The following GPHN variants were observed in gnomAD, a reference collection of about 807,000 sequenced individuals.
The protein encoded by GPHN is gephyrin.
In GPHN, 17 loss-of-function variants were observed where a neutral mutation model predicts 95.5. The ratio of observed to expected loss-of-function variants is 0.18; its 90% CI spans 0.12 to 0.27. The LOEUF is 0.27. Among genes scored for constraint, GPHN ranks in the 10% least tolerant of loss-of-function variants. The probability of loss-of-function intolerance (pLI) is 1.00; values close to 1 mark genes in which losing one functional copy is unlikely to be tolerated. For missense variants in GPHN, 660 were observed against 978.1 expected, an observed-to-expected ratio of 0.67 and a Z score of 4.34; for synonymous variants, 320 against 322.5, an observed-to-expected ratio of 0.99 and a Z score of 0.08.
At chr14:66,970,610 A>G (rs1311326611) in intron 9 of GPHN, among the ~76,000 whole-genome samples, 1 of 152,224 alleles carries the variant, frequency 6.6e-6, no homozygotes, top group Non-Finnish European at 1.5e-5. Flanking sequence ...GCCTAAATCA[A>G]GTCACTAACT....
chr14:66,824,231 T>A (rs998184566), intron 3 of GPHN, among the ~76,000 whole-genome samples: 47 of 152,304 alleles, frequency 3.1e-4, no homozygotes, highest in African/African-American at 9.4e-4. Context: ...TTATGTTTTA[T>A]TTACTTTCAA....
intron 8 of GPHN, among the ~76,000 whole-genome samples, chr14:66,943,600 G>T (rs1424617108): frequency 2.0e-5 from 3 of 152,150 alleles, no homozygotes; most frequent in East Asian, 1.9e-4. Context: ...TTCTTTAAGG[G>T]TTGTTTTTAT....
chr14:67,573,675 C>T, the GPHN span: 3 of 732,138 alleles, frequency 4.1e-6, no homozygotes, highest in East Asian at 5.2e-5. The surrounding 1 kb of genome is among the most constrained non-coding windows in gnomAD (Gnocchi z 4.8). Flanking sequence ...CCCATCATAA[C>T]ACAGCCAGAA....
intron 1 of GPHN, among the ~76,000 whole-genome samples, chr14:66,581,562 A>C (rs986650235): frequency 1.2e-4 from 19 of 152,128 alleles, no homozygotes; most frequent in African/African-American, 4.3e-4. Context: ...AATTACCTTG[A>C]ATATTAATAG....
At chr14:67,162,709 A>G (rs920068101) in intron 19 of GPHN, among the ~76,000 whole-genome samples, 3 of 152,232 alleles carry the variant, frequency 2.0e-5, no homozygotes, top group Admixed American at 2.0e-4. Context: ...TTTTTCTAAA[A>G]CAGCAAAGAA....
chr14:67,095,943 CAAAA>C (rs1197211522), intron 12 of GPHN, among the ~76,000 whole-genome samples: 2 of 19,176 alleles, frequency 1.0e-4, no homozygotes, highest in African/African-American at 2.7e-4. Flanking sequence ...AATAAAAAAA[CAAAA>C]AAAAAGAAAA....
At chr14:67,327,004 G>A in the GPHN span, among the ~76,000 whole-genome samples, 2,917 of 152,036 alleles carry the variant, frequency 0.019, 44 homozygotes, top group Middle Eastern at 0.041. Context: ...GTGAAACCCC[G>A]TCTCTACTAA....
the GPHN span, among the ~76,000 whole-genome samples, chr14:67,323,259 G>GTATATA: frequency 0.045 from 5,669 of 124,862 alleles, 543 homozygotes; most frequent in East Asian, 0.37. Context: ...GTGTGTGTGT[G>GTATATA]TGTATATATA....
chr14:67,117,765 CA>C (rs1227563054), intron 16 of GPHN, among the ~76,000 whole-genome samples: 12 of 152,066 alleles, frequency 7.9e-5, no homozygotes. Flanking sequence ...AACCTTATAA[CA>C]AAAACAATAT....
At chr14:67,392,897 C>T in the GPHN span, 9 of 1,492,664 alleles carry the variant, frequency 6.0e-6, no homozygotes, top group Non-Finnish European at 7.3e-6. Context: ...GACCAGCGTC[C>T]TTGGGGTGTG....
chr14:67,225,144 T>C, the GPHN span: 1 of 1,585,222 alleles, frequency 6.3e-7, no homozygotes. Flanking sequence ...CAAATCTCCT[T>C]CTAATTTCCT....
chr14:66,654,315 G>C (rs764755808), intron 1 of GPHN, among the ~76,000 whole-genome samples: 1 of 151,868 alleles, frequency 6.6e-6, no homozygotes, highest in East Asian at 1.9e-4. Context: ...CTATGGTCTC[G>C]AACCCCTGGC....
chr14:66,965,344 C>T lies in GPHN; in HGVS notation c.963+19C>T. Reference sequence around the variant, plus strand: ...ACCAAAAGTAAGTATGGTTCCTTCGCATCTTACACCTGCTCTTCTATAGTA... The same window carrying T: ...ACCAAAAGTAAGTATGGTTCCTTCGTATCTTACACCTGCTCTTCTATAGTA... On this transcript the variant is annotated intron_variant, in intron 9 of 22. Transcript: ENST00000478722. 1 of 1,607,210 alleles carries T rather than the reference C, an allele frequency of 6.2e-7. No homozygotes were observed. The highest frequency in any genetic ancestry group is 1.7e-5 in the Admixed American group (1 of 59,970).
At chr14:67,685,192 G>A in the GPHN span, 16 of 1,612,136 alleles carry the variant, frequency 9.9e-6, no homozygotes, top group East Asian at 2.2e-5. Flanking sequence ...AGAATACGTC[G>A]TAACGCCAGA....
chr14:66,766,240 A>G (rs1390341884), intron 2 of GPHN, among the ~76,000 whole-genome samples: 2 of 152,158 alleles, frequency 1.3e-5, no homozygotes, highest in South Asian at 2.1e-4. Context: ...CAGGAAATTC[A>G]TCAATAAACA....
chr14:66,953,012 T>A (rs1163875041), intron 8 of GPHN, among the ~76,000 whole-genome samples: 1 of 151,052 alleles, frequency 6.6e-6, no homozygotes, highest in Non-Finnish European at 1.5e-5. Context: ...TTCTTAATTC[T>A]TATCATCTGA....
At chr14:66,724,048 G>A (rs916362481) in intron 2 of GPHN, among the ~76,000 whole-genome samples, 2 of 150,242 alleles carry the variant, frequency 1.3e-5, no homozygotes, top group African/African-American at 4.9e-5. Flanking sequence ...GATCTTACAG[G>A]TTTCATTTGA....
At chr14:67,010,527 G>A (rs1431174688) in intron 9 of GPHN, among the ~76,000 whole-genome samples, 1 of 148,662 alleles carries the variant, frequency 6.7e-6, no homozygotes, top group African/African-American at 2.5e-5. Context: ...ACTCTAGCCT[G>A]GGCAACAGAG....
chr14:66,814,111 G>A (rs941149507), intron 3 of GPHN, among the ~76,000 whole-genome samples: 1 of 152,072 alleles, frequency 6.6e-6, no homozygotes, highest in African/African-American at 2.4e-5. Context: ...CTCCCTTGCT[G>A]ACCACCATTG....
Sources: gnomAD v4.1 joint callset for allele counts (sites outside exome capture counted in the v4.1 genomes callset) on GRCh38, gnomAD v4.1.1 for gene constraint, Gnocchi (gnomAD v3.1) non-coding constraint, MANE v1.5 for transcripts, NCBI Gene and HGNC (gene_info 2026-07-23, HGNC 2026-07-21) for gene names.